CUL5: variants seen among roughly 807,000 people sequenced by gnomAD.
The protein encoded by CUL5 is cullin-5.
Under a neutral mutation model 108.8 loss-of-function variants are expected in CUL5, and 26 were observed. The observed-to-expected ratio is 0.24, with a 90% CI of 0.18 to 0.33. The LOEUF (loss-of-function observed/expected upper bound fraction) is 0.33. CUL5 is among the 10% of genes least tolerant of loss of function. The pLI is 1.00. For missense variants in CUL5, 524 were observed against 909.2 expected, an observed-to-expected ratio of 0.58 and a Z score of 5.45; for synonymous variants, 334 against 298.0, an observed-to-expected ratio of 1.12 and a Z score of -1.25.
intron 18 of CUL5, among the ~76,000 whole-genome samples, chr11:108,102,835 T>TCTCA (rs1338958397): frequency 6.6e-6 from 1 of 152,096 alleles, no homozygotes; most frequent in Non-Finnish European, 1.5e-5. Flanking sequence ...GGAGACAGGG[T>TCTCA]CTCAGGCTGT....
chr11:108,085,592 T>C lies in CUL5; in HGVS notation c.1179-2935T>C, dbSNP rs1864200681. 3.3e-5 allele frequency among the ~76,000 whole-genome samples: 5 copies of C among 152,332 alleles called. No individual in the cohort carries two copies. In the South Asian group the frequency reaches 1.0e-3, roughly 32 times the overall value. ...TAAAATGATAAATCTTTTTTACTCT[T>C]AGTAAAAGATATGTGTTAAAAAAGG... On this transcript the variant is annotated intron_variant, in intron 11 of 18. Coordinates refer to ENST00000393094, the MANE Select transcript of CUL5 (RefSeq NM_003478.6).
chr11:108,041,049 T>G (rs1046915940), intron 2 of CUL5, among the ~76,000 whole-genome samples: 1 of 152,070 alleles, frequency 6.6e-6, no homozygotes, highest in African/African-American at 2.4e-5. Flanking sequence ...GGTAGGTTTG[T>G]TTTTGGGATG....
chr11:108,075,995 C>T (rs896206569), intron 10 of CUL5, among the ~76,000 whole-genome samples: 1 of 152,028 alleles, frequency 6.6e-6, no homozygotes. Flanking sequence ...TAGCATGAAT[C>T]CAATATACAG....
chr11:108,054,977 C>T (rs903130235), intron 7 of CUL5, 22 bp downstream of exon 7: 1 of 1,481,566 alleles, frequency 6.7e-7, no homozygotes. Context: ...TGTAATTGTA[C>T]ATTTTATGGG....
At chr11:108,055,994 G>A (rs1053946096) in intron 7 of CUL5, among the ~76,000 whole-genome samples, 1 of 152,086 alleles carries the variant, frequency 6.6e-6, no homozygotes, top group African/African-American at 2.4e-5. Context: ...GCCCAGGCTG[G>A]TTTTGAACTC....
At chr11:108,061,522 A>G (rs1172453289) in intron 7 of CUL5, among the ~76,000 whole-genome samples, 1 of 152,218 alleles carries the variant, frequency 6.6e-6, no homozygotes, top group Non-Finnish European at 1.5e-5. Context: ...AAATACTATA[A>G]TGAACGCTAC....
At position 108,094,543 on chromosome 11, in the gene CUL5, T is replaced by A. The variant is rs1031439788; in HGVS notation, c.1567+29T>A. The A allele has an allele frequency of 2.7e-5, 31 of 1,155,166 alleles. No individual in the cohort carries two copies. The African/African-American group carries it at 3.2e-4, about 12-fold the overall frequency. 71.6% of individuals were successfully genotyped at this position (1,155,166 alleles called of 1,614,324 possible). The stretch of plus-strand genomic sequence containing the variant: ...TTATTTTATAATTACATGTATATAT[T>A]TTTTAAACTTAGAAGAATATCTTTG... On this transcript the variant is annotated intron_variant, in intron 14 of 18. Coordinates refer to ENST00000393094, the MANE Select transcript of CUL5 (RefSeq NM_003478.6).
intron 10 of CUL5, among the ~76,000 whole-genome samples, chr11:108,077,501 G>T (rs982951525): frequency 6.6e-6 from 1 of 151,928 alleles, no homozygotes; most frequent in Non-Finnish European, 1.5e-5. Flanking sequence ...ACGGTGGTGC[G>T]CACCTGTAAT....
rs1380213107 is a variant in CUL5 at position 108,052,694 on chromosome 11, C to T, written c.446C>T (p.Ser149Leu). 12 of 1,611,980 alleles carry T rather than the reference C, an allele frequency of 7.4e-6. No homozygotes were observed. Among genetic ancestry groups the T allele is most frequent in the South Asian group, 1.1e-5 (1 of 90,596 alleles). Residue 149 changes from serine (S) to leucine (L), a missense_variant, in exon 5 of 19, where the codon TCA becomes TTA. Ser to Leu is a moderately radical substitution (Grantham distance 145, BLOSUM62 -2). Around this residue, in one of 8 missense-constraint regions of CUL5, gnomAD observed 170 missense variants for 305.1 expected, o/e 0.56. Coordinates refer to ENST00000393094, the MANE Select transcript of CUL5 (RefSeq NM_003478.6). ...GATACATGGAATGAGTCAATCTTTTCAAACATAAAAAACAGACTCCAAGAT... is the reference window on the plus strand; with the variant it reads ...GATACATGGAATGAGTCAATCTTTTTAAACATAAAAAACAGACTCCAAGAT... The part of the protein sequence containing the change: ...MLDTWNESIF[S>L]NIKNRLQDSA...
intron 2 of CUL5, among the ~76,000 whole-genome samples, chr11:108,039,040 G>A (rs1456813606): frequency 6.6e-6 from 1 of 150,482 alleles, no homozygotes; most frequent in Non-Finnish European, 1.5e-5. Flanking sequence ...TTTAAATTGA[G>A]ATAGAGTTTC....
intron 2 of CUL5, among the ~76,000 whole-genome samples, chr11:108,038,486 G>T (rs1276585833): frequency 2.0e-5 from 3 of 152,016 alleles, no homozygotes; most frequent in African/African-American, 7.2e-5. Context: ...TCAGGAGTTC[G>T]AGACCAGCCT....
chr11:108,087,526 T>C (rs925413880), intron 11 of CUL5, among the ~76,000 whole-genome samples: 3 of 152,204 alleles, frequency 2.0e-5, no homozygotes, highest in Non-Finnish European at 2.9e-5. Flanking sequence ...TGCAGTGGCA[T>C]GCACCTGTAG....
chr11:108,043,481 C>T (rs1862986693), intron 2 of CUL5, among the ~76,000 whole-genome samples: 1 of 152,062 alleles, frequency 6.6e-6, no homozygotes, highest in Non-Finnish European at 1.5e-5. Flanking sequence ...TATTGGGAAA[C>T]CATTAGAGGA....
At chr11:108,023,271 C>A (rs968270232) in intron 1 of CUL5, among the ~76,000 whole-genome samples, 2 of 152,012 alleles carry the variant, frequency 1.3e-5, no homozygotes. Flanking sequence ...ACAAAAAAAA[C>A]GCAGTATCTT....
At chr11:108,055,305 G>A (rs1426421894) in intron 7 of CUL5, among the ~76,000 whole-genome samples, 1 of 152,142 alleles carries the variant, frequency 6.6e-6, no homozygotes. Context: ...TAGGGATACA[G>A]TTGACTCTCT....
At chr11:108,067,749 A>G (rs576042538) in intron 7 of CUL5, among the ~76,000 whole-genome samples, 68 of 152,210 alleles carry the variant, frequency 4.5e-4, no homozygotes, top group African/African-American at 1.6e-3. Flanking sequence ...TATTAGTTAT[A>G]TATTGTTAGA....
intron 1 of CUL5, among the ~76,000 whole-genome samples, chr11:108,025,063 C>A (rs1301119772): frequency 6.6e-6 from 1 of 152,138 alleles, no homozygotes; most frequent in Admixed American, 6.5e-5. Flanking sequence ...TTGCATTTTT[C>A]TTCAAATACT....
intron 1 of CUL5, among the ~76,000 whole-genome samples, chr11:108,023,217 C>T (rs887934970): frequency 4.6e-5 from 7 of 152,166 alleles, no homozygotes; most frequent in African/African-American, 9.7e-5. Flanking sequence ...CCATTGCACT[C>T]CAGCCTGGGC....
intron 1 of CUL5, among the ~76,000 whole-genome samples, chr11:108,025,897 ACT>A (rs1169396671): frequency 2.6e-5 from 4 of 151,816 alleles, no homozygotes; most frequent in African/African-American, 9.7e-5. Flanking sequence ...GCCTGGAGAC[ACT>A]CTCTAGGCAG....
Sources: gnomAD v4.1 joint callset for allele counts (sites outside exome capture counted in the v4.1 genomes callset) on GRCh38, gnomAD v4.1.1 for gene constraint, gnomAD v4.1.1 regional missense constraint, MANE v1.5 for transcripts, NCBI Gene and HGNC (gene_info 2026-07-23, HGNC 2026-07-21) for gene names.